The following WDR72 variants were observed in gnomAD, a reference collection of about 807,000 sequenced individuals.
WDR72 encodes the protein WD repeat domain 72.
WDR72 carries 120 observed loss-of-function variants against 124.2 expected under a neutral mutation model. That is an observed-to-expected ratio of 0.97 (90% CI 0.83 to 1.12). The LOEUF is 1.12. Ranked by LOEUF, WDR72 falls within the 50% of genes most tolerant of loss-of-function variation. WDR72 has a pLI of 0.00. For synonymous variants in WDR72, 452 were observed against 441.7 expected, an observed-to-expected ratio of 1.02 and a Z score of -0.29; for missense variants, 1,387 against 1,278.8, an observed-to-expected ratio of 1.08 and a Z score of -1.29.
At chr15:53,719,138 C>G (rs1057479433) in intron 3 of WDR72, among the ~76,000 whole-genome samples, 2 of 152,090 alleles carry the variant, frequency 1.3e-5, no homozygotes, top group Non-Finnish European at 2.9e-5. Context: ...GCTTATAACA[C>G]TATAGTTTTG....
rs370585059 is a variant in WDR72 at position 53,702,171 on chromosome 15, G to A, written c.1532C>T (p.Pro511Leu). Reference sequence around the variant, plus strand: ...TGGTGACATCAAAAGACTTGTTACTGGACCAGCTTCCAAAAAGAATTTATG... The same window carrying A: ...TGGTGACATCAAAAGACTTGTTACTAGACCAGCTTCCAAAAAGAATTTATG... Reference protein sequence around the residue: ...ILHKFFLEAGPVTSLLMSPEK... With the variant: ...ILHKFFLEAGLVTSLLMSPEK... Residue 511 changes from proline (P) to leucine (L), a missense_variant, in exon 12 of 20, where the codon CCA becomes CTA. Pro to Leu is a moderately conservative substitution (Grantham distance 98). Transcript: ENST00000360509. 1.2e-4 allele frequency: 198 copies of A among 1,613,664 alleles called. No individual in the cohort carries two copies. Among genetic ancestry groups the A allele is most frequent in the Non-Finnish European group, 1.5e-4 (181 of 1,179,962 alleles).
At chr15:53,735,073 C>A (rs946161694) in intron 1 of WDR72, among the ~76,000 whole-genome samples, 2 of 151,958 alleles carry the variant, frequency 1.3e-5, no homozygotes, top group African/African-American at 4.8e-5. Context: ...GTAGGTGGAG[C>A]ACTTGAACCC....
At chr15:53,616,808 G>A (rs2013787383) in intron 14 of WDR72, among the ~76,000 whole-genome samples, 1 of 151,922 alleles carries the variant, frequency 6.6e-6, no homozygotes, top group African/African-American at 2.4e-5. Context: ...TTATGTTCTT[G>A]CTAATTTATG....
intron 3 of WDR72, among the ~76,000 whole-genome samples, chr15:53,719,283 G>A (rs1372825400): frequency 1.3e-5 from 2 of 151,836 alleles, no homozygotes; most frequent in South Asian, 2.1e-4. Context: ...TTTTTCTTTG[G>A]CATTCTCAGC....
intron 1 of WDR72, among the ~76,000 whole-genome samples, chr15:53,738,216 T>G (rs764126851): frequency 6.6e-6 from 1 of 151,814 alleles, no homozygotes; most frequent in Non-Finnish European, 1.5e-5. Flanking sequence ...CATAAATACA[T>G]CAGTAAGAAA....
chr15:53,586,606 C>G (rs1057089856), intron 18 of WDR72, among the ~76,000 whole-genome samples: 94 of 152,084 alleles, frequency 6.2e-4, no homozygotes, highest in African/African-American at 2.2e-3. Context: ...TCTTTGATGA[C>G]CTTTTTAGGC....
intron 16 of WDR72, among the ~76,000 whole-genome samples, 189 bp downstream of exon 16, chr15:53,613,473 GAAGA>G (rs1204440174): frequency 6.6e-6 from 1 of 151,966 alleles, no homozygotes; most frequent in Non-Finnish European, 1.5e-5. Context: ...TTTTCTAAAT[GAAGA>G]AAGTAAGGCC....
At chr15:53,554,283 G>A (rs1893845857) in intron 18 of WDR72, among the ~76,000 whole-genome samples, 1 of 151,962 alleles carries the variant, frequency 6.6e-6, no homozygotes, top group Non-Finnish European at 1.5e-5. Flanking sequence ...TCACACAGAT[G>A]AGTAAAAATT....
intron 14 of WDR72, among the ~76,000 whole-genome samples, chr15:53,621,430 G>C (rs1056232829): frequency 8.0e-6 from 1 of 124,376 alleles, no homozygotes; most frequent in Non-Finnish European, 1.6e-5. Flanking sequence ...AAGAAACTGT[G>C]ATATATATAT....
chr15:53,697,378 A>C (rs1360413107), intron 13 of WDR72, among the ~76,000 whole-genome samples: 1 of 152,186 alleles, frequency 6.6e-6, no homozygotes, highest in African/African-American at 2.4e-5. Flanking sequence ...GTGACTGCAG[A>C]AGAAAAAAGA....
At position 53,716,585 on chromosome 15, in the gene WDR72, T is replaced by C. The variant is rs1567045712; in HGVS notation, c.339+22A>G. ...CAAGTTGCAGAATCTAGAAATGCCC[T>C]GAAGGAAGTGAGTGTACTTACACAG... On this transcript the variant is annotated intron_variant, in intron 4 of 19. Transcript: ENST00000360509. 3 of 1,515,842 alleles carry C rather than the reference T, an allele frequency of 2.0e-6. No individual in the cohort carries two copies. In the East Asian group the frequency reaches 6.8e-5, roughly 34 times the overall value. 93.9% of individuals were successfully genotyped at this position (1,515,842 alleles called of 1,614,324 possible). A position where few individuals can be genotyped will look rare whatever the true frequency, so the allele number is the denominator to read the frequency against.
At chr15:53,585,918 CACAAA>C (rs2012187610) in intron 18 of WDR72, among the ~76,000 whole-genome samples, 2 of 152,024 alleles carry the variant, frequency 1.3e-5, no homozygotes, top group African/African-American at 4.8e-5. Context: ...TCATGTCTGC[CACAAA>C]ATTATTCTCC....
chr15:53,741,562 T>C (rs1389161464), intron 1 of WDR72, among the ~76,000 whole-genome samples: 3 of 152,136 alleles, frequency 2.0e-5, no homozygotes, highest in Non-Finnish European at 4.4e-5. Flanking sequence ...ACAAATACAA[T>C]GATGTAAACA....
intron 14 of WDR72, among the ~76,000 whole-genome samples, chr15:53,655,832 A>G (rs2015402365): frequency 6.6e-6 from 1 of 152,126 alleles, no homozygotes; most frequent in Non-Finnish European, 1.5e-5. Context: ...AGCTGGGATT[A>G]CAGGCATATG....
chr15:53,653,994 C>A (rs2015331216), intron 14 of WDR72, among the ~76,000 whole-genome samples: 1 of 152,148 alleles, frequency 6.6e-6, no homozygotes, highest in Non-Finnish European at 1.5e-5. Flanking sequence ...TATACCCAGT[C>A]TGGAAATCAA....
At chr15:53,589,411 A>G (rs994653134) in intron 18 of WDR72, among the ~76,000 whole-genome samples, 4 of 151,948 alleles carry the variant, frequency 2.6e-5, no homozygotes, top group African/African-American at 9.7e-5. Context: ...CTTCAGTACA[A>G]ACTATCTCAC....
chr15:53,531,657 T>G (rs545528610), intron 18 of WDR72, among the ~76,000 whole-genome samples: 1 of 152,082 alleles, frequency 6.6e-6, no homozygotes, highest in African/African-American at 2.4e-5. Context: ...AGCCAAGTTT[T>G]AAAGAGCAAA....
In WDR72 at chr15:53,583,599, G is replaced by C. The variant is rs147500478; in HGVS notation, c.3148+13480C>G. ...TATCAAAACATTTCTTTTTCTTCTA[G>C]CATTATAGGAATCCCAGACATAGGG... On this transcript the variant is annotated intron_variant, in intron 18 of 19. Transcript: ENST00000360509. Among the ~76,000 whole-genome samples the C allele has an allele frequency of 1.2e-3, 187 of 152,086 alleles. 4 individuals carry two copies. In the East Asian group the frequency reaches 0.022, roughly 18 times the overall value.
At chr15:53,659,886 T>C (rs780864591) in intron 14 of WDR72, among the ~76,000 whole-genome samples, 38 of 152,252 alleles carry the variant, frequency 2.5e-4, no homozygotes, top group Non-Finnish European at 4.9e-4. Context: ...TCCATCTTCC[T>C]AGGCTGGGTA....
Sources: allele counts gnomAD v4.1 joint callset (sites outside exome capture counted in the v4.1 genomes callset), GRCh38; gene constraint gnomAD v4.1.1; transcripts MANE v1.5; gene names NCBI Gene and HGNC (gene_info 2026-07-23, HGNC 2026-07-21).